Variants in MAPK6 observed in about 807,000 individuals in gnomAD.
MAPK6 encodes the protein mitogen-activated protein kinase 6.
MAPK6 carries 19 observed loss-of-function variants against 59.3 expected under a neutral mutation model. The observed-to-expected ratio is 0.32, with a 90% CI of 0.22 to 0.47. The LOEUF is 0.47. MAPK6 is among the 20% of genes least tolerant of loss of function. MAPK6 has a pLI of 1.00. For missense variants in MAPK6, 724 were observed against 847.9 expected (o/e 0.85, Z 1.81); for synonymous variants, 316 against 290.3 (o/e 1.09, Z -0.90).
chr15:51,999,541 T>C (rs1196869391), intron 2 of MAPK6, among the ~76,000 whole-genome samples: 2 of 152,216 alleles, frequency 1.3e-5, no homozygotes, highest in African/African-American at 4.8e-5. Context: ...TCTTATCAGA[T>C]ATATTATTTG....
intron 2 of MAPK6, among the ~76,000 whole-genome samples, chr15:51,987,004 T>C (rs2057192912): frequency 6.6e-6 from 1 of 152,006 alleles, no homozygotes; most frequent in Non-Finnish European, 1.5e-5. Flanking sequence ...TTAATGGCAG[T>C]TTGCAAAAAA....
chr15:52,016,095 C>CACACAT (rs2030254650), upstream of MAPK6, among the ~76,000 whole-genome samples: 1 of 143,238 alleles, frequency 7.0e-6, no homozygotes, highest in Admixed American at 7.0e-5. Context: ...CACACACACA[C>CACACAT]ACACACACAC....
chr15:52,056,385 C>T (rs1312178308), intron 3 of MAPK6, among the ~76,000 whole-genome samples: 2 of 152,106 alleles, frequency 1.3e-5, no homozygotes, highest in Admixed American at 6.5e-5. Flanking sequence ...ACCCCACAGT[C>T]CCTCAGCTAC....
At chr15:52,061,249 C>G in intron 4 of MAPK6, 50 bp from the exon 5 acceptor site, 4 of 1,379,444 alleles carry the variant, frequency 2.9e-6, no homozygotes, top group Non-Finnish European at 4.1e-6. Context: ...TACTGTTTTT[C>G]TAAAGGTAAG....
intron 2 of MAPK6, among the ~76,000 whole-genome samples, chr15:51,993,865 C>A (rs191085125): frequency 2.1e-4 from 31 of 149,830 alleles, no homozygotes; most frequent in African/African-American, 7.4e-4. Flanking sequence ...AACTCCTGGA[C>A]TGAAGAATCC....
At chr15:51,981,317 C>A (rs1362933485) in intron 1 of MAPK6, among the ~76,000 whole-genome samples, 1 of 151,574 alleles carries the variant, frequency 6.6e-6, no homozygotes, top group Non-Finnish European at 1.5e-5. Flanking sequence ...ACTAAAAATA[C>A]AAAAAATTAG....
At chr15:52,028,741 T>C (rs2030912259) in intron 1 of MAPK6, among the ~76,000 whole-genome samples, 1 of 152,216 alleles carries the variant, frequency 6.6e-6, no homozygotes, top group African/African-American at 2.4e-5. Context: ...CATTCCACAT[T>C]ATTCTCTAGC....
chr15:52,054,745 C>CACACACAT (rs2031904670), intron 3 of MAPK6, among the ~76,000 whole-genome samples: 1 of 141,806 alleles, frequency 7.1e-6, no homozygotes, highest in Non-Finnish European at 1.5e-5. Context: ...CACACACACA[C>CACACACAT]ACACATATAC....
At chr15:52,015,597 C>T (rs908902961), upstream of MAPK6, among the ~76,000 whole-genome samples, 9 of 151,396 alleles carry the variant, frequency 5.9e-5, no homozygotes, top group African/African-American at 1.7e-4. Context: ...CCTGCCTCAA[C>T]CTCCTAAGTA....
Position 51,989,379 on chromosome 15 carries a change from A to T in MAPK6, c.-770+6064A>T, listed in dbSNP as rs141017233. Among the ~76,000 whole-genome samples the T allele has an allele frequency of 4.6e-5, 7 of 152,120 alleles. No individual in the cohort carries two copies. In the East Asian group the frequency reaches 1.4e-3, roughly 30 times the overall value. On this transcript the variant is annotated intron_variant, in intron 2 of 7. Coordinates refer to the MAPK6 transcript ENST00000691380. ...CAGGCACCCGGCCTCAAAATCCACA[A>T]TGTAACATCCATTTTTGCCATATAT...
Position 52,065,046 on chromosome 15 carries a change from TTG to T in MAPK6, c.*48_*49del. The T allele has an allele frequency of 6.7e-7, 1 of 1,502,554 alleles. No homozygotes were observed. The highest frequency in any genetic ancestry group is 2.3e-5 in the East Asian group (1 of 43,228). 93.1% of individuals were successfully genotyped at this position (1,502,554 alleles called of 1,614,324 possible). On this transcript the variant is annotated 3_prime_UTR_variant, in exon 6 of 6. Transcript: ENST00000261845. ...CTTTGTATTCTTCATGAAATGTGTT[TTG>T]TCTTTTTTTATTACTAGTGTTTAAG... is the stretch of plus-strand genomic sequence containing the variant.
At chr15:52,034,230 C>T (rs559926279) in intron 1 of MAPK6, among the ~76,000 whole-genome samples, 114 of 152,306 alleles carry the variant, frequency 7.5e-4, no homozygotes, top group African/African-American at 2.6e-3. Flanking sequence ...GGTGATCCGC[C>T]CGCCTCAGCC....
At chr15:51,996,417 A>T (rs950114381) in intron 2 of MAPK6, among the ~76,000 whole-genome samples, 1 of 151,954 alleles carries the variant, frequency 6.6e-6, no homozygotes, top group African/African-American at 2.4e-5. Flanking sequence ...TTTTTTTGAG[A>T]CAGAGTCTTG....
At chr15:51,988,208 C>G (rs2057197028) in intron 2 of MAPK6, among the ~76,000 whole-genome samples, 2 of 151,640 alleles carry the variant, frequency 1.3e-5, no homozygotes, top group Admixed American at 1.3e-4. Flanking sequence ...AATCCAACAT[C>G]TAAGGAAACT....
intron 1 of MAPK6, among the ~76,000 whole-genome samples, chr15:51,977,837 C>T (rs957919392): frequency 2.0e-5 from 3 of 151,838 alleles, no homozygotes; most frequent in Non-Finnish European, 4.4e-5. Flanking sequence ...ATACCTGGCC[C>T]CAGCCACCAT....
intron 2 of MAPK6, among the ~76,000 whole-genome samples, chr15:51,983,418 G>A (rs1339397156): frequency 2.0e-5 from 3 of 152,152 alleles, no homozygotes; most frequent in Non-Finnish European, 2.9e-5. Context: ...GGCGGAGGAT[G>A]CAGTGAGCAG....
intron 1 of MAPK6, among the ~76,000 whole-genome samples, chr15:52,042,442 T>C (rs1051488015): frequency 5.9e-5 from 9 of 152,152 alleles, no homozygotes; most frequent in Admixed American, 2.0e-4. Flanking sequence ...TTTTACCCAC[T>C]CTTACCTCGT....
In MAPK6 at chr15:52,061,386, T is replaced by C; in HGVS notation, c.953T>C (p.Ile318Thr). ...EEALSHPYMSIYSFPMDEPIS... is the reference protein window; with the variant it reads ...EEALSHPYMSTYSFPMDEPIS... ...GCACTCTCCCATCCTTACATGAGCATATATTCTTTTCCAATGGATGAGCCA... is the reference window on the plus strand; with the variant it reads ...GCACTCTCCCATCCTTACATGAGCACATATTCTTTTCCAATGGATGAGCCA... Residue 318 changes from isoleucine to threonine, a missense_variant, in exon 5 of 6, where the codon ATA becomes ACA. Ile to Thr is a moderately conservative substitution (Grantham distance 89). Around this residue, in one of 4 missense-constraint regions of MAPK6, gnomAD observed 502 missense variants for 507.6 expected, o/e 0.99. Transcript: ENST00000261845. 1 of 1,613,970 alleles carries C rather than the reference T, an allele frequency of 6.2e-7. No individual in the cohort carries two copies.
At chr15:51,997,277 A>AT (rs749427678) in intron 2 of MAPK6, among the ~76,000 whole-genome samples, 106 of 140,452 alleles carry the variant, frequency 7.5e-4, no homozygotes, top group African/African-American at 1.8e-3. Context: ...GTGCCTAGCA[A>AT]TTTTTTTTTT....
Sources: gnomAD v4.1 joint callset for allele counts (sites outside exome capture counted in the v4.1 genomes callset) on GRCh38, gnomAD v4.1.1 for gene constraint, gnomAD v4.1.1 regional missense constraint, MANE v1.5 for transcripts, NCBI Gene and HGNC (gene_info 2026-07-23, HGNC 2026-07-21) for gene names.